The following ANGPT4 variants were observed in gnomAD, a reference collection of about 807,000 sequenced individuals.
ANGPT4 encodes the protein angiopoietin 4.
ANGPT4 carries 50 observed loss-of-function variants against 53.0 expected under a neutral mutation model. The observed-to-expected ratio is 0.94, with a 90% CI of 0.75 to 1.20. The LOEUF is 1.20. ANGPT4 is among the 50% of genes most tolerant of loss of function. ANGPT4 has a pLI of 0.00. For missense variants in ANGPT4, 648 were observed against 637.1 expected, an observed-to-expected ratio of 1.02 and a Z score of -0.18; for synonymous variants, 251 against 259.7, an observed-to-expected ratio of 0.97 and a Z score of 0.32.
intron 3 of ANGPT4, among the ~76,000 whole-genome samples, chr20:887,710 T>C (rs191991098): frequency 6.6e-6 from 1 of 151,580 alleles, no homozygotes; most frequent in Non-Finnish European, 1.5e-5. Flanking sequence ...AAAGACTCTC[T>C]GATAGTGTGG....
intron 1 of ANGPT4, among the ~76,000 whole-genome samples, chr20:909,830 G>A (rs1052938068): frequency 2.0e-5 from 3 of 152,230 alleles, no homozygotes; most frequent in African/African-American, 7.2e-5. Flanking sequence ...CAAGAATGGG[G>A]TGTGTAATTG....
intron 1 of ANGPT4, among the ~76,000 whole-genome samples, chr20:899,271 G>A (rs1378203075): frequency 6.7e-6 from 1 of 149,786 alleles, no homozygotes; most frequent in Non-Finnish European, 1.5e-5. Flanking sequence ...TTTTTGAGAT[G>A]GAGTCTCTCT....
Position 916,014 on chromosome 20 carries a change from G to A in ANGPT4, c.201C>T (p.Thr67=), listed in dbSNP as rs1250712347. The A allele has an allele frequency of 6.2e-7, 1 of 1,614,158 alleles. No individual in the cohort carries two copies. Among genetic ancestry groups the A allele is most frequent in the Non-Finnish European group, 8.5e-7 (1 of 1,179,984 alleles). The change falls in exon 1 of 9, where the codon ACC becomes ACT. Residue 67 remains threonine, a synonymous_variant. Transcript: ENST00000381922. ...GGTTGGCCAGTGATTCTCTCTGGAG[G>A]GTGTTGGAGTCCCTGGAGACCTCAG... ...PGPEVSRDSN[T]LQRESLANPL...
chr20:911,866 CAGAGAGAGGGAGAA>C lies in ANGPT4; in HGVS notation c.309+4026_309+4039del, dbSNP rs1373264573. ...AGGGACAGAGAGAGGGAGAGAGAGA[CAGAGAGAGGGAGAA>C]AGAGACAGAGACAGACAGAGATAGA... On this transcript the variant is annotated intron_variant, in intron 1 of 8. Transcript: ENST00000381922. The surrounding 1 kb of genome is among the most constrained non-coding windows in gnomAD (Gnocchi z 4.9). Among the ~76,000 whole-genome samples, 10 of 150,960 alleles carry C rather than the reference CAGAGAGAGGGAGAA, an allele frequency of 6.6e-5. No homozygotes were observed. Among genetic ancestry groups the C allele is most frequent in the Non-Finnish European group, 1.3e-4 (9 of 67,634 alleles).
chr20:899,969 C>A lies in ANGPT4; in HGVS notation c.310-9601G>T, dbSNP rs550096087. ...TCTTTCCATCACTCCCACCTACTCT[C>A]CCACTGAAACTTCCACCTATCAATC... On this transcript the variant is annotated intron_variant, in intron 1 of 8. Coordinates refer to ENST00000381922, the MANE Select transcript of ANGPT4 (RefSeq NM_015985.4). Among the ~76,000 whole-genome samples, 22 of 152,294 alleles carry A rather than the reference C, an allele frequency of 1.4e-4. No individual in the cohort carries two copies. The South Asian group carries it at 4.4e-3, about 30-fold the overall frequency.
intron 5 of ANGPT4, 89 bp downstream of exon 5, chr20:881,082 C>G (rs1436322997): frequency 6.8e-5 from 73 of 1,069,998 alleles, no homozygotes; most frequent in Non-Finnish European, 9.1e-5. Context: ...CTGGACAAAG[C>G]CTGATCCCGA....
chr20:872,787 G>T lies in ANGPT4; in HGVS notation c.*173C>A. 1 of 719,746 alleles carries T rather than the reference G, an allele frequency of 1.4e-6. No individual in the cohort carries two copies. The allele number at this position is 719,746 out of a possible 1,614,324, so 44.6% of individuals were successfully genotyped here. On this transcript the variant is annotated 3_prime_UTR_variant, in exon 9 of 9. Coordinates refer to ENST00000381922, the MANE Select transcript of ANGPT4 (RefSeq NM_015985.4). The stretch of plus-strand genomic sequence containing the variant: ...ACACCCTCCATGTCACAGACGGAGG[G>T]GAGTTGGGGGGCAGATGACCCTTCT...
At chr20:883,244 A>T (rs1281003430) in intron 4 of ANGPT4, among the ~76,000 whole-genome samples, 1 of 152,230 alleles carries the variant, frequency 6.6e-6, no homozygotes, top group African/African-American at 2.4e-5. Flanking sequence ...CCTCCTACAC[A>T]TCTTCCTTTG....
chr20:878,355 C>T (rs745864356), intron 6 of ANGPT4, 28 bp from the exon 7 acceptor site: 2 of 1,577,696 alleles, frequency 1.3e-6, no homozygotes, highest in African/African-American at 2.7e-5. Flanking sequence ...TGGGGTGAGA[C>T]TCATGCTGAG....
chr20:889,033 C>G (rs1166189884), intron 2 of ANGPT4, among the ~76,000 whole-genome samples: 1 of 152,190 alleles, frequency 6.6e-6, no homozygotes, highest in Non-Finnish European at 1.5e-5. Flanking sequence ...GTTCTTGAAC[C>G]TGCCAGCACG....
intron 1 of ANGPT4, among the ~76,000 whole-genome samples, chr20:915,112 C>A (rs1251333220): frequency 6.6e-6 from 1 of 152,160 alleles, no homozygotes; most frequent in East Asian, 1.9e-4. Flanking sequence ...TTCCTTCCAC[C>A]CTGCCTCCTA....
intron 1 of ANGPT4, among the ~76,000 whole-genome samples, chr20:894,406 A>G (rs1264656300): frequency 1.3e-5 from 2 of 152,112 alleles, no homozygotes; most frequent in African/African-American, 4.8e-5. Context: ...AGGGAGTAGT[A>G]GGGGTGGTGC....
chr20:873,368 G>C (rs980411802), intron 8 of ANGPT4, among the ~76,000 whole-genome samples: 3 of 152,064 alleles, frequency 2.0e-5, no homozygotes, highest in Non-Finnish European at 4.4e-5. Flanking sequence ...GCTCCTCCCG[G>C]CCTTCTCCCT....
chr20:897,950 T>C (rs1428649343), intron 1 of ANGPT4, among the ~76,000 whole-genome samples: 1 of 152,174 alleles, frequency 6.6e-6, no homozygotes, highest in African/African-American at 2.4e-5. Context: ...ACTTTTGATT[T>C]CTCCATCTTA....
chr20:891,310 A>G (rs1334038927), intron 1 of ANGPT4, among the ~76,000 whole-genome samples: 2 of 152,264 alleles, frequency 1.3e-5, no homozygotes, highest in Non-Finnish European at 2.9e-5. Flanking sequence ...TATCTGCCAA[A>G]TGGGGCTGGA....
chr20:904,622 G>GT (rs978569827), intron 1 of ANGPT4, among the ~76,000 whole-genome samples: 23 of 152,272 alleles, frequency 1.5e-4, no homozygotes, highest in African/African-American at 4.8e-4. Flanking sequence ...GAAATCACAC[G>GT]TTTTTTTGGT....
At chr20:892,511 G>A (rs6108122) in intron 1 of ANGPT4, among the ~76,000 whole-genome samples, 76,851 of 151,378 alleles carry the variant, frequency 0.51, 21,515 homozygotes, top group African/African-American at 0.74. Context: ...CAGGAGGATC[G>A]CTGGAGCCTG....
At chr20:901,590 G>A (rs546523029) in intron 1 of ANGPT4, among the ~76,000 whole-genome samples, 20 of 152,276 alleles carry the variant, frequency 1.3e-4, no homozygotes, top group Middle Eastern at 3.4e-3. Flanking sequence ...TCACACGGAC[G>A]CACGTGACAC....
Position 885,253 on chromosome 20 carries a change from C to T in ANGPT4, c.660G>A (p.Lys220=), listed in dbSNP as rs62641665. Residue 220 remains lysine (K), a synonymous_variant, in exon 4 of 9, where the codon AAG becomes AAA. Coordinates refer to ENST00000381922, the MANE Select transcript of ANGPT4 (RefSeq NM_015985.4). ...GGCTCAGCGTGTTCAGCAGCTTCGC[C>T]TTCTTGCTGAGGATGCTGGCCAGCT... ...QEELASILSK[K]AKLLNTLSRQ... The T allele has an allele frequency of 3.6e-3, 5,665 of 1,583,558 alleles. 144 individuals carry two copies. In the African/African-American group the frequency reaches 0.062, roughly 17 times the overall value.
Sources: allele counts gnomAD v4.1 joint callset (sites outside exome capture counted in the v4.1 genomes callset), GRCh38; gene constraint gnomAD v4.1.1; non-coding constraint Gnocchi (gnomAD v3.1); transcripts MANE v1.5; gene names NCBI Gene and HGNC (gene_info 2026-07-23, HGNC 2026-07-21).